PDE7B: variants seen among roughly 807,000 people sequenced by gnomAD.
The protein encoded by PDE7B is phosphodiesterase 7B, also known as 3',5'-cyclic-AMP phosphodiesterase 7B.
In PDE7B, 29 loss-of-function variants were observed where a neutral mutation model predicts 56.2. The observed-to-expected ratio is 0.52, with a 90% confidence interval of 0.38 to 0.70. PDE7B has a LOEUF of 0.70. Among genes scored for constraint, PDE7B ranks in the 30% least tolerant of loss-of-function variants. The pLI, the probability that PDE7B is intolerant of heterozygous loss-of-function variation, is 0.00. For missense variants in PDE7B, 490 were observed against 565.0 expected, an observed-to-expected ratio of 0.87 and a Z score of 1.35; for synonymous variants, 197 against 196.9, an observed-to-expected ratio of 1.00 and a Z score of 0.00.
intron 1 of PDE7B, among the ~76,000 whole-genome samples, chr6:135,878,361 A>G (rs1231191548): frequency 6.6e-6 from 1 of 152,156 alleles, no homozygotes; most frequent in Non-Finnish European, 1.5e-5. Context: ...CTTTCAAAAT[A>G]TTTTAATGTA....
intron 2 of PDE7B, among the ~76,000 whole-genome samples, chr6:135,968,516 T>C (rs1356862002): frequency 6.6e-6 from 1 of 152,188 alleles, no homozygotes; most frequent in Non-Finnish European, 1.5e-5. Flanking sequence ...AAAGAAGATA[T>C]TTATGCAGCC....
At chr6:135,949,343 G>T (rs1583790066) in intron 2 of PDE7B, among the ~76,000 whole-genome samples, 1 of 152,110 alleles carries the variant, frequency 6.6e-6, no homozygotes, top group Non-Finnish European at 1.5e-5. Flanking sequence ...CTATAGATTT[G>T]AATTCACTTA....
intron 2 of PDE7B, among the ~76,000 whole-genome samples, chr6:135,959,751 T>C (rs1382318072): frequency 6.8e-6 from 1 of 148,120 alleles, no homozygotes; most frequent in Non-Finnish European, 1.5e-5. Flanking sequence ...ATTTGGAATA[T>C]CACAGAGTCT....
intron 2 of PDE7B, among the ~76,000 whole-genome samples, chr6:136,009,418 C>T: frequency 6.6e-6 from 1 of 151,950 alleles, no homozygotes; most frequent in Non-Finnish European, 1.5e-5. Context: ...CTATAAATTA[C>T]CTTGGGCAGT....
chr6:135,931,321 C>A (rs1370373740), intron 1 of PDE7B, among the ~76,000 whole-genome samples: 1 of 152,050 alleles, frequency 6.6e-6, no homozygotes, highest in African/African-American at 2.4e-5. Context: ...TTATCCAATG[C>A]GAGTGATAGC....
intron 1 of PDE7B, among the ~76,000 whole-genome samples, chr6:135,935,186 T>TATATATA (rs1774393949): frequency 1.3e-4 from 5 of 38,446 alleles, no homozygotes; most frequent in African/African-American, 5.9e-4. Flanking sequence ...ATATATATAT[T>TATATATA]TATTTATATA....
At chr6:135,871,239 A>G (rs1469050119) in intron 1 of PDE7B, among the ~76,000 whole-genome samples, 8 of 152,170 alleles carry the variant, frequency 5.3e-5, no homozygotes, top group Admixed American at 5.2e-4. Context: ...ACATGAAGAG[A>G]TGGGCATCTT....
intron 1 of PDE7B, among the ~76,000 whole-genome samples, chr6:135,931,722 C>T (rs528429524): frequency 6.2e-4 from 94 of 152,178 alleles, no homozygotes; most frequent in Non-Finnish European, 5.9e-4. Context: ...AATGATAGCA[C>T]GGTGCACAAT....
chr6:136,152,802 A>C (rs1778542247), intron 6 of PDE7B, among the ~76,000 whole-genome samples: 1 of 152,172 alleles, frequency 6.6e-6, no homozygotes, highest in South Asian at 2.1e-4. Flanking sequence ...TGACAATAAT[A>C]ATGGGAGCCA....
intron 1 of PDE7B, among the ~76,000 whole-genome samples, chr6:135,935,172 T>TTA (rs1163001997): frequency 5.9e-5 from 3 of 51,152 alleles, no homozygotes; most frequent in African/African-American, 1.1e-4. Context: ...ACAGAGAATT[T>TTA]TATATATATA....
chr6:135,988,344 C>G (rs1186010333), intron 2 of PDE7B, among the ~76,000 whole-genome samples: 1 of 151,986 alleles, frequency 6.6e-6, no homozygotes, highest in Non-Finnish European at 1.5e-5. Flanking sequence ...AAAGAAAGCT[C>G]CTCAAAACTG....
intron 2 of PDE7B, among the ~76,000 whole-genome samples, chr6:136,018,786 C>A (rs1776021046): frequency 6.6e-6 from 1 of 151,780 alleles, no homozygotes; most frequent in African/African-American, 2.4e-5. Context: ...ATATACATAT[C>A]TATACATATA....
chr6:136,161,112 A>G (rs1346839730), intron 8 of PDE7B, among the ~76,000 whole-genome samples: 1 of 152,126 alleles, frequency 6.6e-6, no homozygotes, highest in Non-Finnish European at 1.5e-5. Context: ...TATAATATAC[A>G]ATAGAGTATG....
intron 2 of PDE7B, among the ~76,000 whole-genome samples, chr6:135,995,178 A>G (rs557173196): frequency 6.6e-6 from 1 of 151,998 alleles, no homozygotes; most frequent in East Asian, 1.9e-4. Context: ...TCTGGCCACC[A>G]AGTTCATGTC....
At position 136,192,167 on chromosome 6, in the gene PDE7B, A is replaced by G. The variant is rs2128452950; in HGVS notation, c.*327A>G. 2.8e-6 allele frequency: 1 copy of G among 352,724 alleles called. No homozygotes were observed. Among genetic ancestry groups the G allele is most frequent in the Admixed American group, 4.4e-5 (1 of 22,536 alleles). 21.8% of individuals were successfully genotyped at this position (352,724 alleles called of 1,614,324 possible). A position where few individuals can be genotyped will look rare whatever the true frequency, so the allele number is the denominator to read the frequency against. On this transcript the variant is annotated 3_prime_UTR_variant, in exon 13 of 13. Transcript: ENST00000308191. Reference sequence around the variant, plus strand: ...CCGTGTCCGCCTTGTTCCGGGTCGCACTGGAACAGGCAGCAATTCCTAAGT... The same window carrying G: ...CCGTGTCCGCCTTGTTCCGGGTCGCGCTGGAACAGGCAGCAATTCCTAAGT...
At chr6:136,170,206 G>GA (rs1778857468) in intron 8 of PDE7B, among the ~76,000 whole-genome samples, 1 of 152,102 alleles carries the variant, frequency 6.6e-6, no homozygotes, top group Admixed American at 6.6e-5. Flanking sequence ...AATATAATGG[G>GA]ATGGTTTTTA....
At chr6:135,951,186 G>A (rs774496937) in intron 2 of PDE7B, among the ~76,000 whole-genome samples, 2 of 149,818 alleles carry the variant, frequency 1.3e-5, no homozygotes, top group African/African-American at 4.9e-5. Context: ...TGTGTGTAGA[G>A]CTTCTGCCTC....
Position 135,889,522 on chromosome 6 carries a change from C to G in PDE7B, c.21+37503C>G, listed in dbSNP as rs570882938. Among the ~76,000 whole-genome samples, 6 of 146,026 alleles carry G rather than the reference C, an allele frequency of 4.1e-5. No homozygotes were observed. The East Asian group carries it at 1.0e-3, about 25-fold the overall frequency. On this transcript the variant is annotated intron_variant, in intron 1 of 12. Transcript: ENST00000308191. ...ATGACGCAATCTCGGCTCACTGTAACCTCCACCTCCTGGGTTCAAGTGATT... is the reference window on the plus strand; with the variant it reads ...ATGACGCAATCTCGGCTCACTGTAAGCTCCACCTCCTGGGTTCAAGTGATT...
At chr6:135,986,970 C>T (rs1414313970) in intron 2 of PDE7B, among the ~76,000 whole-genome samples, 4 of 152,182 alleles carry the variant, frequency 2.6e-5, no homozygotes, top group Non-Finnish European at 5.9e-5. Flanking sequence ...TGCAGATAGC[C>T]TTGAAGCCTC....
Sources: allele counts gnomAD v4.1 joint callset (sites outside exome capture counted in the v4.1 genomes callset), GRCh38; gene constraint gnomAD v4.1.1; transcripts MANE v1.5; gene names NCBI Gene and HGNC (gene_info 2026-07-23, HGNC 2026-07-21).